The following DLGAP1 variants were observed in gnomAD, a reference collection of about 807,000 sequenced individuals.
DLGAP1 encodes DLG associated protein 1, also known as disks large-associated protein 1.
A neutral mutation model predicts 90.8 loss-of-function variants in DLGAP1; 11 were observed. The ratio of observed to expected loss-of-function variants is 0.12; its 90% confidence interval spans 0.08 to 0.20. The LOEUF (loss-of-function observed/expected upper bound fraction) is 0.20. Ranked by LOEUF, DLGAP1 falls within the 10% of genes least tolerant of loss-of-function variation. The probability of loss-of-function intolerance (pLI) is 1.00; values close to 1 mark genes in which losing one functional copy is unlikely to be tolerated. For synonymous variants in DLGAP1, 558 were observed against 540.7 expected (o/e 1.03, Z -0.44); for missense variants, 1,050 against 1,333.8 (o/e 0.79, Z 3.31).
intron 7 of DLGAP1, among the ~76,000 whole-genome samples, chr18:3,601,760 G>A (rs910322747): frequency 8.0e-5 from 12 of 149,704 alleles, no homozygotes; most frequent in Non-Finnish European, 1.8e-4. Flanking sequence ...CAGGAGAATC[G>A]CTTGAACCAA....
At chr18:3,689,078 G>A (rs544894106) in intron 7 of DLGAP1, among the ~76,000 whole-genome samples, 120 of 152,188 alleles carry the variant, frequency 7.9e-4, no homozygotes, top group South Asian at 1.7e-3. Context: ...TCTCCTCCAG[G>A]CACAATGTTT....
chr18:3,815,196 G>C (rs957962680), intron 4 of DLGAP1, among the ~76,000 whole-genome samples: 1 of 152,126 alleles, frequency 6.6e-6, no homozygotes, highest in Non-Finnish European at 1.5e-5. Context: ...TGAACCTTTC[G>C]ACTTTACCAT....
At chr18:3,688,282 A>C (rs1045652945) in intron 7 of DLGAP1, among the ~76,000 whole-genome samples, 1 of 152,104 alleles carries the variant, frequency 6.6e-6, no homozygotes, top group Non-Finnish European at 1.5e-5. Context: ...AATGGTTATC[A>C]AATGTGAATT....
At chr18:4,323,319 C>A (rs529189724) in intron 1 of DLGAP1, among the ~76,000 whole-genome samples, 4 of 152,174 alleles carry the variant, frequency 2.6e-5, no homozygotes, top group Middle Eastern at 3.4e-3. Flanking sequence ...GAAAAGGAAA[C>A]CCTTGTACAC....
At chr18:4,242,949 C>T (rs545000216) in intron 1 of DLGAP1, among the ~76,000 whole-genome samples, 1 of 152,262 alleles carries the variant, frequency 6.6e-6, no homozygotes, top group South Asian at 2.1e-4. Flanking sequence ...ACTATGAGGG[C>T]TAGAGATGCA....
chr18:4,056,112 G>C (rs1434332065), intron 2 of DLGAP1, among the ~76,000 whole-genome samples: 4 of 152,164 alleles, frequency 2.6e-5, no homozygotes, highest in African/African-American at 9.7e-5. Flanking sequence ...AAACACTGAT[G>C]ATGAGGTGAG....
intron 2 of DLGAP1, among the ~76,000 whole-genome samples, chr18:4,060,319 A>G (rs1401387488): frequency 6.6e-6 from 1 of 152,162 alleles, no homozygotes; most frequent in Non-Finnish European, 1.5e-5. Flanking sequence ...TAATGGGGCA[A>G]ATGGCACCCC....
At chr18:3,720,381 T>C (rs1322014009) in intron 7 of DLGAP1, among the ~76,000 whole-genome samples, 2 of 152,238 alleles carry the variant, frequency 1.3e-5, no homozygotes, top group African/African-American at 4.8e-5. Context: ...TACATGATCA[T>C]TGATTTGTCA....
chr18:4,442,961 A>G (rs1233909964), intron 1 of DLGAP1, among the ~76,000 whole-genome samples: 1 of 152,186 alleles, frequency 6.6e-6, no homozygotes, highest in Non-Finnish European at 1.5e-5. Context: ...TCATTCAATA[A>G]ATCGGTTTTG....
At chr18:3,925,290 T>TA (rs1263729246) in intron 3 of DLGAP1, among the ~76,000 whole-genome samples, 4 of 151,326 alleles carry the variant, frequency 2.6e-5, no homozygotes, top group African/African-American at 9.7e-5. Flanking sequence ...GTGGGATTTT[T>TA]TTTTTTTTTT....
At chr18:3,514,565 A>G (rs2050721761) in intron 10 of DLGAP1, among the ~76,000 whole-genome samples, 1 of 152,188 alleles carries the variant, frequency 6.6e-6, no homozygotes, top group Admixed American at 6.5e-5. Context: ...TCTGGGCAAT[A>G]CAGGCATGCC....
intron 7 of DLGAP1, among the ~76,000 whole-genome samples, chr18:3,585,513 G>A (rs931237997): frequency 1.3e-5 from 2 of 152,262 alleles, no homozygotes; most frequent in Non-Finnish European, 2.9e-5. Flanking sequence ...GTTCAAAATG[G>A]ATTCTCAGGA....
intron 2 of DLGAP1, among the ~76,000 whole-genome samples, chr18:4,012,403 C>G (rs2074442156): frequency 6.6e-6 from 1 of 152,146 alleles, no homozygotes; most frequent in South Asian, 2.1e-4. Context: ...ATTCCCCCAG[C>G]CACTGCAAAA....
At chr18:3,622,725 C>T (rs2058140389) in intron 7 of DLGAP1, among the ~76,000 whole-genome samples, 1 of 152,244 alleles carries the variant, frequency 6.6e-6, no homozygotes, top group Non-Finnish European at 1.5e-5. Flanking sequence ...AAGATAATCA[C>T]TTTTGAAAAC....
At chr18:3,815,723 C>T (rs747855373) in intron 4 of DLGAP1, among the ~76,000 whole-genome samples, 3 of 152,074 alleles carry the variant, frequency 2.0e-5, no homozygotes, top group Non-Finnish European at 4.4e-5. Flanking sequence ...ATGAACTCAA[C>T]CTAGATCTCA....
intron 1 of DLGAP1, among the ~76,000 whole-genome samples, chr18:4,422,299 C>T (rs1342636600): frequency 6.6e-6 from 1 of 151,652 alleles, no homozygotes; most frequent in African/African-American, 2.4e-5. Context: ...TGTTTACTGA[C>T]ATATAAAATA....
intron 1 of DLGAP1, among the ~76,000 whole-genome samples, chr18:4,408,995 AC>A (rs2082721567): frequency 1.3e-5 from 2 of 151,952 alleles, no homozygotes; most frequent in Admixed American, 1.3e-4. Context: ...ACACACACAC[AC>A]ACACATTGTA....
chr18:4,410,299 T>C (rs186112613), intron 1 of DLGAP1, among the ~76,000 whole-genome samples: 12 of 152,176 alleles, frequency 7.9e-5, no homozygotes, highest in African/African-American at 2.2e-4. Context: ...CAATAACTTA[T>C]GGAAAAATAA....
intron 3 of DLGAP1, among the ~76,000 whole-genome samples, chr18:4,000,952 T>C (rs1486782832): frequency 1.3e-5 from 2 of 152,214 alleles, no homozygotes; most frequent in Non-Finnish European, 2.9e-5. Flanking sequence ...TGTATTTTTA[T>C]GTCAGAAAAG....
Sources: allele counts gnomAD v4.1 joint callset (sites outside exome capture counted in the v4.1 genomes callset), GRCh38; gene constraint gnomAD v4.1.1; transcripts MANE v1.5; gene names NCBI Gene and HGNC (gene_info 2026-07-23, HGNC 2026-07-21).